Variants in GRM5 observed in about 807,000 individuals in gnomAD.
GRM5 encodes the protein glutamate metabotropic receptor 5.
GRM5 carries 19 observed loss-of-function variants against 83.1 expected under a neutral mutation model. The observed-to-expected ratio is 0.23, with a 90% confidence interval of 0.16 to 0.34. The LOEUF (loss-of-function observed/expected upper bound fraction) is 0.34, where lower values mean the gene tolerates loss of function less well. Ranked by LOEUF, GRM5 falls within the 10% of genes least tolerant of loss-of-function variation. GRM5 has a pLI of 1.00. For missense variants in GRM5, 1,160 were observed against 1,588.3 expected (o/e 0.73, Z 4.58); for synonymous variants, 675 against 633.6 (o/e 1.07, Z -0.98).
chr11:88,913,960 C>T (rs1225013610), intron 2 of GRM5, among the ~76,000 whole-genome samples: 1 of 152,116 alleles, frequency 6.6e-6, no homozygotes, highest in African/African-American at 2.4e-5. Context: ...TTAATGGTTT[C>T]CTGCTGCTTC....
intron 3 of GRM5, among the ~76,000 whole-genome samples, chr11:88,785,662 T>G (rs1330967880): frequency 5.3e-5 from 8 of 152,116 alleles, no homozygotes. Flanking sequence ...GCCTAGTTAG[T>G]CATTTCTACT....
rs1417198410 is a variant in GRM5, at chr11:88,508,793, G to C, written c.3438C>G (p.Ala1146=). The stretch of plus-strand genomic sequence containing the variant: ...GCTTGGCGGCCGCAGCCTCGGGACC[G>C]GCCGCGGGGCTCTCCCGGGCCGCGT... ...AGDAARESPA[A]GPEAAAAKPD... The change falls in exon 10 of 10, where the codon GCC becomes GCG. Residue 1146 remains alanine (A), a synonymous_variant. Coordinates refer to ENST00000305447, the MANE Select transcript of GRM5 (RefSeq NM_001143831.3). This position sits in a 1 kb window ranked among gnomAD's most constrained non-coding sequence, Gnocchi z 4.2. The C allele has an allele frequency of 1.4e-6, 2 of 1,458,146 alleles. No individual in the cohort carries two copies. The highest frequency in any genetic ancestry group is 1.8e-6 in the Non-Finnish European group (2 of 1,111,844). 90.3% of individuals were successfully genotyped at this position (1,458,146 alleles called of 1,614,324 possible).
At chr11:88,669,960 T>C (rs1443694804) in intron 3 of GRM5, among the ~76,000 whole-genome samples, 1 of 151,970 alleles carries the variant, frequency 6.6e-6, no homozygotes, top group Non-Finnish European at 1.5e-5. Context: ...TATAGGGAAA[T>C]GTAAAAGTTC....
chr11:88,936,048 T>C (rs1176569756), intron 2 of GRM5, among the ~76,000 whole-genome samples: 1 of 151,824 alleles, frequency 6.6e-6, no homozygotes, highest in East Asian at 1.9e-4. Flanking sequence ...TAATTATTAA[T>C]AGAGAGCCAA....
At chr11:88,512,684 C>T (rs1941410465) in intron 9 of GRM5, among the ~76,000 whole-genome samples, 1 of 152,066 alleles carries the variant, frequency 6.6e-6, no homozygotes. Flanking sequence ...CTTTTTAAGC[C>T]TCGGTAAGAA....
chr11:89,058,471 T>G (rs1183978069), intron 1 of GRM5, among the ~76,000 whole-genome samples: 1 of 152,144 alleles, frequency 6.6e-6, no homozygotes, highest in Non-Finnish European at 1.5e-5. Flanking sequence ...AACACTAATT[T>G]ACATGAAAGT....
intron 8 of GRM5, among the ~76,000 whole-genome samples, chr11:88,544,379 G>C (rs1279777357): frequency 6.6e-6 from 1 of 152,178 alleles, no homozygotes; most frequent in Non-Finnish European, 1.5e-5. Flanking sequence ...GCCCAGCCTT[G>C]TGTTTGCTGT....
Position 88,845,321 on chromosome 11 carries a change from C to CCTTT in GRM5, c.911+4584_911+4585insAAAG, listed in dbSNP as rs3031470. Among the ~76,000 whole-genome samples the CCTTT allele has an allele frequency of 5.8e-3, 826 of 142,448 alleles. 3 individuals are homozygous for CCTTT. The highest frequency in any genetic ancestry group is 9.6e-3 in the Non-Finnish European group (629 of 65,200). 93.5% of individuals were successfully genotyped at this position (142,448 alleles called of 152,430 possible). On this transcript the variant is annotated intron_variant, in intron 3 of 9. Coordinates refer to ENST00000305447, the MANE Select transcript of GRM5 (RefSeq NM_001143831.3). ...CACTGAAGGCTCAGATGATCACTTG[C>CCTTT]TTTTTTTTTTTAGCAATAAAGTATA... is the stretch of plus-strand genomic sequence containing the variant.
chr11:89,005,808 C>G (rs1233503168), intron 2 of GRM5, among the ~76,000 whole-genome samples: 1 of 152,134 alleles, frequency 6.6e-6, no homozygotes, highest in Admixed American at 6.5e-5. Context: ...AAATGGTTAT[C>G]ACAAGCATTC....
chr11:88,988,689 G>C (rs997708040), intron 2 of GRM5, among the ~76,000 whole-genome samples: 6 of 151,624 alleles, frequency 4.0e-5, no homozygotes, highest in South Asian at 2.1e-4. Flanking sequence ...AGCCAGAAGA[G>C]AGTGGAGGCC....
intron 3 of GRM5, among the ~76,000 whole-genome samples, chr11:88,768,278 T>G (rs553501242): frequency 6.6e-6 from 1 of 152,184 alleles, no homozygotes; most frequent in African/African-American, 2.4e-5. Context: ...AAGAAGGAAT[T>G]TCTTTCATAG....
intron 4 of GRM5, among the ~76,000 whole-genome samples, chr11:88,605,261 G>C (rs1938109970): frequency 6.6e-6 from 1 of 151,868 alleles, no homozygotes; most frequent in African/African-American, 2.4e-5. Flanking sequence ...CTGTATTTCT[G>C]TACCATAAAA....
intron 3 of GRM5, among the ~76,000 whole-genome samples, chr11:88,721,518 C>T (rs774459741): frequency 6.6e-6 from 1 of 152,088 alleles, no homozygotes; most frequent in Non-Finnish European, 1.5e-5. Context: ...CAGTTTATAG[C>T]ATTATCTTTC....
rs775388897 is a variant in GRM5, at chr11:88,590,557, C to T, written c.1690+44G>A. ...TGACCCCCCTCTCCCACGTCTGCAC[C>T]ATTTTTCAGTTAATTTATATGTGGT... On this transcript the variant is annotated intron_variant, in intron 7 of 9. Transcript: ENST00000305447. 1.9e-6 allele frequency: 3 copies of T among 1,568,368 alleles called. No homozygotes were observed. In the African/African-American group the frequency reaches 4.1e-5, roughly 21 times the overall value.
chr11:88,602,556 T>G (rs528616019), intron 5 of GRM5, among the ~76,000 whole-genome samples: 14 of 152,194 alleles, frequency 9.2e-5, no homozygotes, highest in Non-Finnish European at 1.8e-4. Context: ...ATGCCTTTGA[T>G]CTGGCAGAAT....
rs75858666 is a variant in GRM5 at position 88,828,193 on chromosome 11, G to A, written c.911+21713C>T. Among the ~76,000 whole-genome samples, 1,199 of 152,284 alleles carry A rather than the reference G, an allele frequency of 7.9e-3. 20 individuals carry two copies. The highest frequency in any genetic ancestry group is 0.027 in the African/African-American group (1,136 of 41,550). On this transcript the variant is annotated intron_variant, in intron 3 of 9. Transcript: ENST00000305447. ...GACATGGATGAGAAAGGCAGAAGAG[G>A]TATGTGTTAATCTGGTAACATAGTG...
intron 1 of GRM5, among the ~76,000 whole-genome samples, chr11:89,063,077 A>G (rs933417086): frequency 6.6e-6 from 1 of 152,230 alleles, no homozygotes; most frequent in Non-Finnish European, 1.5e-5. Flanking sequence ...AGCGGCCCCT[A>G]ACAGATCTAT....
intron 7 of GRM5, among the ~76,000 whole-genome samples, chr11:88,585,676 A>G (rs531171149): frequency 1.8e-4 from 27 of 152,158 alleles, no homozygotes; most frequent in African/African-American, 6.3e-4. Context: ...AATATCACCT[A>G]AGTTAGCTTT....
At chr11:89,060,001 G>T (rs1224074500) in intron 1 of GRM5, among the ~76,000 whole-genome samples, 1 of 151,906 alleles carries the variant, frequency 6.6e-6, no homozygotes, top group South Asian at 2.1e-4. Flanking sequence ...CTTGCCTAAG[G>T]TCACACAAGT....
Sources: gnomAD v4.1 joint callset for allele counts (sites outside exome capture counted in the v4.1 genomes callset) on GRCh38, gnomAD v4.1.1 for gene constraint, Gnocchi (gnomAD v3.1) non-coding constraint, MANE v1.5 for transcripts, NCBI Gene and HGNC (gene_info 2026-07-23, HGNC 2026-07-21) for gene names.